Variants in ST18 observed in about 807,000 individuals in gnomAD.
ST18 encodes the protein suppression of tumorigenicity 18 protein.
In ST18, 50 loss-of-function variants were observed where a neutral mutation model predicts 110.0. The observed-to-expected ratio is 0.45, with a 90% CI of 0.36 to 0.58. The LOEUF is 0.58. ST18 is among the 20% of genes least tolerant of loss of function. The pLI, the probability that ST18 is intolerant of heterozygous loss-of-function variation, is 0.00. For missense variants in ST18, 1,306 were observed against 1,280.1 expected (o/e 1.02, Z -0.31); for synonymous variants, 461 against 452.4 (o/e 1.02, Z -0.24).
chr8:52,342,582 CTGGGCAGCACATATCAAA>C (rs374874840), intron 2 of ST18, among the ~76,000 whole-genome samples: 8 of 152,188 alleles, frequency 5.3e-5, no homozygotes, highest in Admixed American at 2.0e-4. Flanking sequence ...CCTCAGCCAG[CTGGGCAGCACATATCAAA>C]TTTCAGCGTG....
intron 9 of ST18, among the ~76,000 whole-genome samples, chr8:52,174,583 C>T (rs761732572): frequency 1.3e-5 from 2 of 152,180 alleles, no homozygotes; most frequent in Non-Finnish European, 2.9e-5. Context: ...TGCAGATCAC[C>T]AGAGAGGCGG....
At chr8:52,136,249 TTTAAAA>T (rs1177520650) in intron 19 of ST18, among the ~76,000 whole-genome samples, 3 of 152,202 alleles carry the variant, frequency 2.0e-5, no homozygotes, top group Non-Finnish European at 1.5e-5. Flanking sequence ...ATGCAATTTC[TTTAAAA>T]TTAAATGGCA....
At chr8:52,335,502 G>A (rs1811616174) in intron 2 of ST18, among the ~76,000 whole-genome samples, 1 of 152,144 alleles carries the variant, frequency 6.6e-6, no homozygotes, top group Admixed American at 6.6e-5. Flanking sequence ...ATATCTTGGG[G>A]ATAAGACACA....
intron 2 of ST18, among the ~76,000 whole-genome samples, chr8:52,265,645 A>T (rs955423573): frequency 6.6e-6 from 1 of 152,182 alleles, no homozygotes; most frequent in African/African-American, 2.4e-5. Context: ...CTTTTTTGGG[A>T]TTTGAACAAC....
chr8:52,360,373 T>C (rs1825184550), intron 2 of ST18, among the ~76,000 whole-genome samples: 1 of 152,120 alleles, frequency 6.6e-6, no homozygotes, highest in South Asian at 2.1e-4. Context: ...CATAATTAAA[T>C]ATAAATATAC....
chr8:52,178,669 C>CA (rs199826169), intron 9 of ST18, among the ~76,000 whole-genome samples: 3,403 of 47,978 alleles, frequency 0.071, 190 homozygotes, highest in African/African-American at 0.19. Context: ...ATAAAACAAA[C>CA]AAAAAAAACC....
At chr8:52,246,388 C>T (rs1443412290) in intron 2 of ST18, among the ~76,000 whole-genome samples, 1 of 151,908 alleles carries the variant, frequency 6.6e-6, no homozygotes, top group Non-Finnish European at 1.5e-5. Context: ...GAGTTAAAGA[C>T]CTATGCTGTA....
At chr8:52,354,133 C>T (rs1008234214) in intron 2 of ST18, among the ~76,000 whole-genome samples, 3 of 152,258 alleles carry the variant, frequency 2.0e-5, no homozygotes, top group Non-Finnish European at 2.9e-5. Context: ...GTTATGTGCT[C>T]ACCACTTGAC....
chr8:52,123,753 TGG>T (rs2045926660), intron 23 of ST18, among the ~76,000 whole-genome samples: 1 of 152,252 alleles, frequency 6.6e-6, no homozygotes, highest in African/African-American at 2.4e-5. Context: ...CTGCTGTTCC[TGG>T]GTCTCTGTGC....
At chr8:52,125,974 C>G (rs2046902298) in intron 23 of ST18, 78 bp downstream of exon 23, 3 of 1,117,182 alleles carry the variant, frequency 2.7e-6, no homozygotes, top group Non-Finnish European at 3.9e-6. Context: ...CTAGAGAATA[C>G]TTTGACACAC....
chr8:52,136,767 TG>T, intron 18 of ST18, 109 bp from the exon 19 acceptor site: 1 of 945,030 alleles, frequency 1.1e-6, no homozygotes, highest in South Asian at 1.7e-5. Context: ...GACTGGGGAT[TG>T]GGAAAAAAAA....
intron 2 of ST18, among the ~76,000 whole-genome samples, chr8:52,336,169 G>C (rs1021711789): frequency 1.3e-5 from 2 of 151,982 alleles, no homozygotes; most frequent in Non-Finnish European, 2.9e-5. Flanking sequence ...TTATTTTTGA[G>C]ACAGAGTCTC....
At chr8:52,334,829 A>C (rs1811302057) in intron 2 of ST18, among the ~76,000 whole-genome samples, 1 of 152,176 alleles carries the variant, frequency 6.6e-6, no homozygotes, top group African/African-American at 2.4e-5. Flanking sequence ...CAGCAAATCC[A>C]AGGACTCAGA....
chr8:52,198,094 T>A (rs2076774597), intron 8 of ST18, among the ~76,000 whole-genome samples: 1 of 152,162 alleles, frequency 6.6e-6, no homozygotes, highest in Non-Finnish European at 1.5e-5. Context: ...CGATCTCGGC[T>A]CACTGCAACC....
intron 3 of ST18, chr8:52,222,082 A>G (rs1437407346): frequency 1.3e-5 from 2 of 152,164 alleles, no homozygotes; most frequent in East Asian, 1.9e-4. Context: ...GCTCTTTCTA[A>G]ATCCTGAAAG....
chr8:52,183,682 A>G (rs149531266), intron 8 of ST18, among the ~76,000 whole-genome samples: 14 of 152,318 alleles, frequency 9.2e-5, no homozygotes, highest in African/African-American at 3.1e-4. Flanking sequence ...AAAAATAGGT[A>G]AAGATGGAAC....
At chr8:52,361,511 T>C (rs536033659) in intron 2 of ST18, among the ~76,000 whole-genome samples, 4 of 152,178 alleles carry the variant, frequency 2.6e-5, no homozygotes, top group Non-Finnish European at 5.9e-5. Context: ...AGCTGAAAAA[T>C]ATGTCATGGA....
intron 10 of ST18, among the ~76,000 whole-genome samples, chr8:52,168,822 T>C (rs962111958): frequency 2.0e-5 from 3 of 152,154 alleles, no homozygotes; most frequent in African/African-American, 4.8e-5. Context: ...TTCAAGTTGA[T>C]GTGAAATCTG....
At chr8:52,383,964 T>A (rs1394621597) in intron 2 of ST18, among the ~76,000 whole-genome samples, 4 of 151,948 alleles carry the variant, frequency 2.6e-5, no homozygotes, top group African/African-American at 9.7e-5. Context: ...CCCAGGCCGA[T>A]CTCAAACTCC....
Sources: gnomAD v4.1 joint callset for allele counts (sites outside exome capture counted in the v4.1 genomes callset) on GRCh38, gnomAD v4.1.1 for gene constraint, MANE v1.5 for transcripts, NCBI Gene and HGNC (gene_info 2026-07-23, HGNC 2026-07-21) for gene names.